Variants in TM4SF1 observed in about 807,000 individuals in gnomAD.
The protein encoded by TM4SF1 is transmembrane 4 L six family member 1.
TM4SF1 carries 20 observed loss-of-function variants against 24.5 expected under a neutral mutation model. That is an observed-to-expected ratio of 0.82 (90% CI 0.57 to 1.19). TM4SF1 has a LOEUF of 1.19. TM4SF1 is among the 50% of genes most tolerant of loss of function. The probability of loss-of-function intolerance (pLI) is 0.00; values close to 1 mark genes in which losing one functional copy is unlikely to be tolerated. For missense variants in TM4SF1, 258 were observed against 248.1 expected, an observed-to-expected ratio of 1.04 and a Z score of -0.27; for synonymous variants, 107 against 95.4, an observed-to-expected ratio of 1.12 and a Z score of -0.71.
At chr3:149,372,460 A>G (rs182015026) in intron 3 of TM4SF1, among the ~76,000 whole-genome samples, 9 of 152,144 alleles carry the variant, frequency 5.9e-5, no homozygotes, top group Admixed American at 6.5e-5. Flanking sequence ...TTACATCTCA[A>G]TTTGTTACTG....
Position 149,375,560 on chromosome 3 carries a change from A to G in TM4SF1, c.296T>C (p.Ile99Thr), listed in dbSNP as rs769490312. The G allele has an allele frequency of 2.0e-5, 32 of 1,614,222 alleles. No homozygotes were observed. Among genetic ancestry groups the G allele is most frequent in the East Asian group, 2.2e-5 (1 of 44,892 alleles). Residue 99 changes from isoleucine to threonine, a missense_variant, in exon 3 of 5, where the codon ATT (isoleucine) becomes ACT (threonine). By Grantham distance (89) the Ile-to-Thr change is moderately conservative. Coordinates refer to ENST00000305366, the MANE Select transcript of TM4SF1 (RefSeq NM_014220.3). ...AMLSSVLAAL[I>T]GIAGSGYCVI... ...ACAGTAGCCAGATCCTGCAATTCCA[A>G]TGAGAGCAGCCAATACAGAAGAAAG...
At chr3:149,376,775 C>T (rs777414220) in intron 1 of TM4SF1, among the ~76,000 whole-genome samples, 2 of 152,206 alleles carry the variant, frequency 1.3e-5, no homozygotes, top group Non-Finnish European at 2.9e-5. Context: ...ATTCCTCTCA[C>T]TTCAATCAAA....
chr3:149,371,504 T>G, intron 4 of TM4SF1, 183 bp downstream of exon 4: 5 of 652,812 alleles, frequency 7.7e-6, no homozygotes, highest in Non-Finnish European at 1.3e-5. Flanking sequence ...CCTGTGACTG[T>G]GAGACTCGAG....
chr3:149,375,417 T>C (rs747307343), intron 3 of TM4SF1, 26 bp downstream of exon 3: 1 of 1,611,910 alleles, frequency 6.2e-7, no homozygotes, highest in Non-Finnish European at 8.5e-7. Context: ...TAAAAATGTG[T>C]AGCCATGTAG....
At chr3:149,371,497 G>A in intron 4 of TM4SF1, 190 bp downstream of exon 4, 1 of 643,042 alleles carries the variant, frequency 1.6e-6, no homozygotes, top group East Asian at 2.7e-5. Context: ...AGACAATCCT[G>A]TGACTGTGAG....
intron 3 of TM4SF1, among the ~76,000 whole-genome samples, chr3:149,374,692 T>C (rs2108378874): frequency 6.6e-6 from 1 of 152,356 alleles, no homozygotes; most frequent in Non-Finnish European, 1.5e-5. Context: ...ACATAGTTTG[T>C]ATGTTTTATA....
chr3:149,377,042 C>T (rs1050365697), intron 1 of TM4SF1, among the ~76,000 whole-genome samples: 17 of 152,320 alleles, frequency 1.1e-4, no homozygotes, highest in African/African-American at 4.1e-4. Context: ...CTCCCCAGAG[C>T]AAATGTTAAA....
At chr3:149,371,906 C>T in intron 3 of TM4SF1, 39 bp from the exon 4 acceptor site, 2 of 1,593,510 alleles carry the variant, frequency 1.3e-6, no homozygotes, top group South Asian at 1.1e-5. Flanking sequence ...CACGGTCATA[C>T]TTGAGGGGAT....
Position 149,371,788 on chromosome 3 carries a change from T to C in TM4SF1, c.493A>G (p.Ile165Val), listed in dbSNP as rs749885601. Residue 165 changes from isoleucine (I) to valine (V), a missense_variant, in exon 4 of 5, where the codon ATC becomes GTC. Physicochemically the swap from Ile to Val is conservative, Grantham distance 29 (BLOSUM62 3). Transcript: ENST00000305366. ...IVEWNVSLFS[I>V]LLALGGIEFI... The stretch of plus-strand genomic sequence containing the variant: ...TCAATTCCACCAAGAGCCAAGAGGA[T>C]AGAAAACAGAGATACATTCCATTCC... The C allele has an allele frequency of 3.7e-6, 6 of 1,613,692 alleles. No homozygotes were observed. Among genetic ancestry groups the C allele is most frequent in the Non-Finnish European group, 5.1e-6 (6 of 1,179,862 alleles).
chr3:149,375,643 T>G (rs1370718770), intron 2 of TM4SF1, 37 bp downstream of exon 2: 2 of 1,614,080 alleles, frequency 1.2e-6, no homozygotes, highest in Admixed American at 3.3e-5. Flanking sequence ...AGCTACATCT[T>G]AGGAGTCATT....
chr3:149,374,683 C>T (rs1731906545), intron 3 of TM4SF1, among the ~76,000 whole-genome samples: 1 of 152,140 alleles, frequency 6.6e-6, no homozygotes, highest in Admixed American at 6.5e-5. Context: ...GGGCATTGTA[C>T]ATAGTTTGTA....
chr3:149,373,028 T>C (rs1043216773), intron 3 of TM4SF1, among the ~76,000 whole-genome samples: 1 of 152,110 alleles, frequency 6.6e-6, no homozygotes, highest in Middle Eastern at 3.2e-3. Flanking sequence ...AAACAAAATA[T>C]GGAAGAGCCA....
intron 4 of TM4SF1, 79 bp from the exon 5 acceptor site, chr3:149,369,959 T>C: frequency 1.3e-6 from 2 of 1,521,296 alleles, no homozygotes; most frequent in Non-Finnish European, 1.8e-6. Flanking sequence ...GTTCCTATTT[T>C]AAGCAAACAT....
In TM4SF1 at chr3:149,369,512, A is replaced by G. The variant is rs1045576012; in HGVS notation, c.*354T>C. The G allele has an allele frequency of 1.2e-5, 2 of 168,220 alleles. No individual in the cohort carries two copies. The highest frequency in any genetic ancestry group is 2.5e-5 in the Non-Finnish European group (2 of 79,344). 10.4% of individuals were successfully genotyped at this position (168,220 alleles called of 1,614,324 possible). Reference sequence around the variant, plus strand: ...AAAGCAACTAGACATCTTTAATTTAAAAAATACATGCACATATATACAATA... The same window carrying G: ...AAAGCAACTAGACATCTTTAATTTAGAAAATACATGCACATATATACAATA... On this transcript the variant is annotated 3_prime_UTR_variant, in exon 5 of 5. Transcript: ENST00000305366.
intron 4 of TM4SF1, chr3:149,370,451 G>C (rs1490065628): frequency 2.0e-5 from 3 of 152,586 alleles, no homozygotes; most frequent in Non-Finnish European, 2.9e-5. Context: ...TTGGTCATTG[G>C]CTCTTTATGC....
chr3:149,371,664 G>C, intron 4 of TM4SF1, 23 bp downstream of exon 4: 1 of 1,613,770 alleles, frequency 6.2e-7, no homozygotes, highest in Non-Finnish European at 8.5e-7. Flanking sequence ...GCCAGACTAC[G>C]ACATTTTCAT....
chr3:149,369,566 CATT>C lies in TM4SF1; in HGVS notation c.*297_*299del, dbSNP rs1217131818. 2 of 288,982 alleles carry C rather than the reference CATT, an allele frequency of 6.9e-6. No homozygotes were observed. The highest frequency in any genetic ancestry group is 1.0e-4 in the Admixed American group (2 of 19,146). The allele number at this position is 288,982 out of a possible 1,614,324, so 17.9% of individuals were successfully genotyped here. On this transcript the variant is annotated 3_prime_UTR_variant, in exon 5 of 5. Transcript: ENST00000305366. ...ATTGGAATGTTATTTTTATCCAAAA[CATT>C]ATAGAGTTTATCTCAGATATACTGA...
intron 4 of TM4SF1, chr3:149,371,374 CT>C (rs1436809508): frequency 3.3e-5 from 18 of 541,946 alleles, no homozygotes; most frequent in Admixed American, 2.4e-4. Context: ...GCAGACATCA[CT>C]TTTTTTTCTG....
intron 4 of TM4SF1, chr3:149,370,543 C>T (rs1731796891): frequency 6.6e-6 from 1 of 152,264 alleles, no homozygotes; most frequent in Non-Finnish European, 1.5e-5. Context: ...AAATTCAAGG[C>T]TAAAGGTAAG....
Sources: gnomAD v4.1 joint callset for allele counts (sites outside exome capture counted in the v4.1 genomes callset) on GRCh38, gnomAD v4.1.1 for gene constraint, MANE v1.5 for transcripts, NCBI Gene and HGNC (gene_info 2026-07-23, HGNC 2026-07-21) for gene names.